The following CDC42EP4 variants were observed in gnomAD, a reference collection of about 807,000 sequenced individuals.
The protein encoded by CDC42EP4 is CDC42 effector protein (Rho GTPase binding) 4.
A neutral mutation model predicts 5.6 loss-of-function variants in CDC42EP4; 6 were observed. The observed-to-expected ratio is 1.07, with a 90% CI of 0.59 to 2.12. The LOEUF is 2.12. Among genes scored for constraint, CDC42EP4 ranks in the 30% most tolerant of loss-of-function variants. The pLI is 0.00. For missense variants in CDC42EP4, 490 were observed against 508.6 expected (o/e 0.96, Z 0.35); for synonymous variants, 230 against 224.2 (o/e 1.03, Z -0.23).
chr17:73,301,642 G>A (rs1269897331), intron 1 of CDC42EP4, among the ~76,000 whole-genome samples: 3 of 151,660 alleles, frequency 2.0e-5, no homozygotes, highest in Non-Finnish European at 2.9e-5. Context: ...CCACTCCTGG[G>A]TTCAAGCAAT....
chr17:73,294,649 A>G (rs1208975323), intron 1 of CDC42EP4, among the ~76,000 whole-genome samples: 12 of 152,028 alleles, frequency 7.9e-5, no homozygotes, highest in African/African-American at 2.9e-4. Flanking sequence ...GTATATACAT[A>G]TATGTGTATA....
At chr17:73,287,397 T>G (rs1351602365) in intron 1 of CDC42EP4, among the ~76,000 whole-genome samples, 2 of 152,140 alleles carry the variant, frequency 1.3e-5, no homozygotes, top group Non-Finnish European at 2.9e-5. Flanking sequence ...CTTTCATCAT[T>G]AGGGGAGTGG....
chr17:73,304,680 G>C (rs1471985086), intron 1 of CDC42EP4, among the ~76,000 whole-genome samples: 2 of 151,942 alleles, frequency 1.3e-5, no homozygotes, highest in African/African-American at 2.4e-5. Context: ...GTGCGAGGGG[G>C]ACAGTGCATC....
At chr17:73,291,230 T>G (rs2062159935) in intron 1 of CDC42EP4, among the ~76,000 whole-genome samples, 1 of 152,128 alleles carries the variant, frequency 6.6e-6, no homozygotes, top group Admixed American at 6.5e-5. Flanking sequence ...AAAGCCATCT[T>G]CAATAACCAG....
chr17:73,295,906 CAAAA>C (rs200176195), intron 1 of CDC42EP4, among the ~76,000 whole-genome samples: 2,034 of 101,890 alleles, frequency 0.02, 81 homozygotes, highest in African/African-American at 0.066. Flanking sequence ...ACTCCATCTC[CAAAA>C]AAAAAAAAAA....
intron 1 of CDC42EP4, among the ~76,000 whole-genome samples, chr17:73,303,301 C>A (rs1354554037): frequency 6.6e-6 from 1 of 151,932 alleles, no homozygotes; most frequent in Non-Finnish European, 1.5e-5. Flanking sequence ...CGAGATCGCA[C>A]CCTTACACTC....
chr17:73,306,928 G>C (rs1386573663), intron 1 of CDC42EP4: 2 of 152,258 alleles, frequency 1.3e-5, no homozygotes, highest in Admixed American at 6.5e-5. Context: ...GAAGAACCCA[G>C]AGTCTCATGC....
chr17:73,300,282 C>G (rs773423105), intron 1 of CDC42EP4, among the ~76,000 whole-genome samples: 28 of 152,284 alleles, frequency 1.8e-4, no homozygotes, highest in Non-Finnish European at 2.8e-4. Flanking sequence ...CATGCCATGT[C>G]TTCCCCCCAC....
intron 1 of CDC42EP4, among the ~76,000 whole-genome samples, chr17:73,293,662 G>C (rs1464192239): frequency 6.6e-6 from 1 of 152,164 alleles, no homozygotes; most frequent in Admixed American, 6.5e-5. Flanking sequence ...AGGCTCACTG[G>C]GACATGGGCC....
At chr17:73,296,945 C>T (rs1326187863) in intron 1 of CDC42EP4, among the ~76,000 whole-genome samples, 2 of 119,928 alleles carry the variant, frequency 1.7e-5, no homozygotes, top group Non-Finnish European at 3.2e-5. Context: ...AGCGCCACTG[C>T]AGTCTGGCCT....
intron 1 of CDC42EP4, among the ~76,000 whole-genome samples, chr17:73,290,523 C>CT (rs2062156370): frequency 6.6e-6 from 1 of 152,240 alleles, no homozygotes; most frequent in African/African-American, 2.4e-5. Flanking sequence ...TCCCTGGTCT[C>CT]TACCCATTAG....
chr17:73,293,456 G>T (rs1277097795), intron 1 of CDC42EP4, among the ~76,000 whole-genome samples: 1 of 151,088 alleles, frequency 6.6e-6, no homozygotes, highest in African/African-American at 2.4e-5. Context: ...GATCAAATGG[G>T]ACTCCAGGCC....
At chr17:73,291,343 A>G (rs912318818) in intron 1 of CDC42EP4, among the ~76,000 whole-genome samples, 1 of 152,180 alleles carries the variant, frequency 6.6e-6, no homozygotes, top group Non-Finnish European at 1.5e-5. Context: ...CACACTGGGG[A>G]TGAGGCCTGG....
intron 1 of CDC42EP4, among the ~76,000 whole-genome samples, chr17:73,292,623 G>A (rs1359741723): frequency 1.3e-5 from 2 of 152,192 alleles, no homozygotes; most frequent in African/African-American, 4.8e-5. Context: ...GGGTCTGGGG[G>A]AGGCCCCTCT....
chr17:73,300,640 A>C (rs1002573061), intron 1 of CDC42EP4, among the ~76,000 whole-genome samples: 1 of 152,250 alleles, frequency 6.6e-6, no homozygotes, highest in Non-Finnish European at 1.5e-5. Context: ...TACAATGTAC[A>C]CGATTGGGTG....
intron 1 of CDC42EP4, among the ~76,000 whole-genome samples, chr17:73,288,690 C>A (rs1362622843): frequency 1.3e-5 from 2 of 152,296 alleles, no homozygotes; most frequent in South Asian, 2.1e-4. Context: ...CCTCTCCTCC[C>A]CTTCTGCCCA....
rs748279477 is a variant in CDC42EP4 at position 73,285,991 on chromosome 17, C to G, written c.510G>C (p.Ala170=). Residue 170 remains alanine (A), a synonymous_variant, in exon 2 of 2, where the codon GCG becomes GCC. Coordinates refer to ENST00000335793, the MANE Select transcript of CDC42EP4 (RefSeq NM_012121.5). The surrounding 1 kb of genome is among the most constrained non-coding windows in gnomAD (Gnocchi z 6.8). ...EEAVPRRNGA[A]GPHSPDPLLD... ...GGAGGGGGTCAGGGGAATGTGGACC[C>G]GCGGCCCCATTCCGACGGGGCACTG... The G allele has an allele frequency of 1.2e-6, 2 of 1,613,422 alleles. No individual in the cohort carries two copies. The highest frequency in any genetic ancestry group is 2.7e-5 in the African/African-American group (2 of 75,050).
chr17:73,298,917 G>C (rs1427404632), intron 1 of CDC42EP4, among the ~76,000 whole-genome samples: 1 of 151,902 alleles, frequency 6.6e-6, no homozygotes, highest in Non-Finnish European at 1.5e-5. Flanking sequence ...GAGAAACGGA[G>C]ACTCAGACAG....
Position 73,286,259 on chromosome 17 carries a change from C to T in CDC42EP4, c.242G>A (p.Arg81Lys). 6.2e-7 allele frequency: 1 copy of T among 1,614,258 alleles called. No individual in the cohort carries two copies. Among genetic ancestry groups the T allele is most frequent in the Middle Eastern group, 1.6e-4 (1 of 6,062 alleles). ...SSSSKRSLLS[R>K]KFRGSKRSQS... ...TGACCGCTTGCTGCCCCGGAACTTC[C>T]TGGACAGGAGACTGCGTTTGGAAGA... The change falls in exon 2 of 2, where the codon AGG becomes AAG. Residue 81 changes from arginine to lysine, a missense_variant. Transcript: ENST00000335793. This position sits in a 1 kb window ranked among gnomAD's most constrained non-coding sequence, Gnocchi z 7.7.
Sources: gnomAD v4.1 joint callset for allele counts (sites outside exome capture counted in the v4.1 genomes callset) on GRCh38, gnomAD v4.1.1 for gene constraint, Gnocchi (gnomAD v3.1) non-coding constraint, MANE v1.5 for transcripts, NCBI Gene and HGNC (gene_info 2026-07-23, HGNC 2026-07-21) for gene names.